Variants in GCN1 observed in about 807,000 individuals in gnomAD.
GCN1 encodes GCN1 activator of EIF2AK4.
In GCN1, 90 loss-of-function variants were observed where a neutral mutation model predicts 288.4. The observed-to-expected ratio is 0.31, with a 90% CI of 0.26 to 0.37. The LOEUF is 0.37. Among genes scored for constraint, GCN1 ranks in the 10% least tolerant of loss-of-function variants. The pLI, the probability that GCN1 is intolerant of heterozygous loss-of-function variation, is 1.00. For synonymous variants in GCN1, 1,386 were observed against 1,420.2 expected, an observed-to-expected ratio of 0.98 and a Z score of 0.54; for missense variants, 2,586 against 3,419.9, an observed-to-expected ratio of 0.76 and a Z score of 6.08.
chr12:120,163,760 A>G (rs1391810736), intron 18 of GCN1, among the ~76,000 whole-genome samples: 2 of 152,218 alleles, frequency 1.3e-5, no homozygotes, highest in Admixed American at 1.3e-4. Flanking sequence ...AATCAAAAGG[A>G]AAAAATGGGT....
intron 47 of GCN1, 124 bp downstream of exon 47, chr12:120,138,199 T>C (rs1173022287): frequency 3.3e-6 from 3 of 913,622 alleles, no homozygotes; most frequent in Admixed American, 1.9e-5. Context: ...AAGGATGTAA[T>C]GCTTGCACTG....
At position 120,162,057 on chromosome 12, in the gene GCN1, G is replaced by A; in HGVS notation, c.2165C>T (p.Ser722Phe). The A allele has an allele frequency of 6.2e-7, 1 of 1,612,002 alleles. No homozygotes were observed. Among genetic ancestry groups the A allele is most frequent in the Non-Finnish European group, 8.5e-7 (1 of 1,179,944 alleles). ...AAGGGAGCCCATGGCATTCATGGAG[G>A]ACTGCCAGACAAACGCAGACATGGT... Reference protein sequence around the residue: ...RMTTQSPLNQSSMNAMGSLSV... With the variant: ...RMTTQSPLNQFSMNAMGSLSV... The change falls in exon 21 of 58, where the codon TCC becomes TTC. Residue 722 changes from serine to phenylalanine, a missense_variant and splice_region_variant. Coordinates refer to ENST00000300648, the MANE Select transcript of GCN1 (RefSeq NM_006836.2).
At chr12:120,130,139 C>G (rs1336058307) in intron 56 of GCN1, among the ~76,000 whole-genome samples, 1 of 152,192 alleles carries the variant, frequency 6.6e-6, no homozygotes, top group Non-Finnish European at 1.5e-5. Context: ...GGCCCCATCT[C>G]ACTAAAATAC....
chr12:120,145,072 AC>A lies in GCN1; in HGVS notation c.5017-12del, dbSNP rs1217639436. On this transcript the variant is annotated splice_polypyrimidine_tract_variant and intron_variant, in intron 39 of 57. Transcript: ENST00000300648. The stretch of plus-strand genomic sequence containing the variant: ...AGATACGGTCCGCACCTGTCAGGTA[AC>A]CGAGAGCAGAGATGGTGTGAGAAGA... The A allele has an allele frequency of 1.2e-6, 2 of 1,613,868 alleles. No individual in the cohort carries two copies. The highest frequency in any genetic ancestry group is 1.7e-6 in the Non-Finnish European group (2 of 1,180,032).
At chr12:120,132,959 T>C (rs1171836686) in intron 53 of GCN1, among the ~76,000 whole-genome samples, 1 of 152,196 alleles carries the variant, frequency 6.6e-6, no homozygotes, top group South Asian at 2.1e-4. Flanking sequence ...CTTCATCTAT[T>C]TTAAGCTGCA....
rs543156156 is a variant in GCN1 at position 120,175,930 on chromosome 12, C to T, written c.914-56G>A. The T allele has an allele frequency of 2.6e-5, 41 of 1,574,110 alleles. 2 individuals carry two copies. Among genetic ancestry groups the T allele is most frequent in the Middle Eastern group, 1.7e-4 (1 of 5,912 alleles). ...GCCAACAACTGAGCATCCAGACTTTCGTCTTTGTCTTTTCCATGCCCCCAT... is the reference window on the plus strand; with the variant it reads ...GCCAACAACTGAGCATCCAGACTTTTGTCTTTGTCTTTTCCATGCCCCCAT... On this transcript the variant is annotated intron_variant, in intron 10 of 57. Transcript: ENST00000300648.
In GCN1 at chr12:120,155,698, C is replaced by A; in HGVS notation, c.3334G>T (p.Val1112Leu). The change falls in exon 29 of 58, where the codon GTA becomes TTA. Residue 1112 changes from valine (V) to leucine (L), a missense_variant. Physicochemically the swap from Val to Leu is conservative, Grantham distance 32. This residue lies in a region of GCN1 where 332 missense variants were observed against 403.0 expected (regional missense o/e 0.82). Transcript: ENST00000300648. This position sits in a 1 kb window ranked among gnomAD's most constrained non-coding sequence, Gnocchi z 4.9. ...VLRGLMELHM[V>L]LPAPDTDEKN... Reference sequence around the variant, plus strand: ...TCATCAGTATCAGGTGCTGGCAATACCATGTGGAGTTCCATCAGCCCCTGG... The same window carrying A: ...TCATCAGTATCAGGTGCTGGCAATAACATGTGGAGTTCCATCAGCCCCTGG... 6.2e-7 allele frequency: 1 copy of A among 1,613,964 alleles called. No individual in the cohort carries two copies. The highest frequency in any genetic ancestry group is 8.5e-7 in the Non-Finnish European group (1 of 1,179,960).
rs767925459 is a variant in GCN1 at position 120,137,170 on chromosome 12, C to T, written c.6777+36G>A. The T allele has an allele frequency of 1.4e-6, 2 of 1,461,762 alleles. No homozygotes were observed. The highest frequency in any genetic ancestry group is 2.8e-5 in the African/African-American group (2 of 71,886). The allele number at this position is 1,461,762 out of a possible 1,614,324, so 90.5% of individuals were successfully genotyped here. On this transcript the variant is annotated intron_variant, in intron 50 of 57. Coordinates refer to ENST00000300648, the MANE Select transcript of GCN1 (RefSeq NM_006836.2). This position sits in a 1 kb window ranked among gnomAD's most constrained non-coding sequence, Gnocchi z 5.2. ...AGGGCCAGAAGGGCACAACAGACTG[C>T]ACGCCCACAGCCCCCTGCACGAGGC...
chr12:120,141,109 C>A, intron 44 of GCN1, 86 bp from the exon 45 acceptor site: 1 of 1,125,542 alleles, frequency 8.9e-7, no homozygotes, highest in Non-Finnish European at 1.3e-6. Context: ...GGCCCTGAAA[C>A]CTCCCAGGCT....
In GCN1 at chr12:120,137,882, G is replaced by C. The variant is rs373243403; in HGVS notation, c.6393+19C>G. Reference sequence around the variant, plus strand: ...GGGCAGACGGGACATGAGAAAGCAGGAGCAGGCTCGCCCCTTACCAGCTGC... The same window carrying C: ...GGGCAGACGGGACATGAGAAAGCAGCAGCAGGCTCGCCCCTTACCAGCTGC... On this transcript the variant is annotated intron_variant, in intron 48 of 57. Coordinates refer to ENST00000300648, the MANE Select transcript of GCN1 (RefSeq NM_006836.2). The surrounding 1 kb of genome is among the most constrained non-coding windows in gnomAD (Gnocchi z 5.2). 6 of 1,613,698 alleles carry C rather than the reference G, an allele frequency of 3.7e-6. No individual in the cohort carries two copies. Among genetic ancestry groups the C allele is most frequent in the Non-Finnish European group, 5.1e-6 (6 of 1,179,628 alleles).
chr12:120,153,171 T>C lies in GCN1; in HGVS notation c.4062+42A>G. Reference sequence around the variant, plus strand: ...CCGCCTAACCACAGCCGGGTCCCAATTCTCTAACCGACATGTGGGTCCCAG... The same window carrying C: ...CCGCCTAACCACAGCCGGGTCCCAACTCTCTAACCGACATGTGGGTCCCAG... On this transcript the variant is annotated intron_variant, in intron 33 of 57. Coordinates refer to ENST00000300648, the MANE Select transcript of GCN1 (RefSeq NM_006836.2). The surrounding 1 kb of genome is among the most constrained non-coding windows in gnomAD (Gnocchi z 4.4). 2 of 1,569,274 alleles carry C rather than the reference T, an allele frequency of 1.3e-6. No homozygotes were observed. Among genetic ancestry groups the C allele is most frequent in the Non-Finnish European group, 1.8e-6 (2 of 1,141,180 alleles).
chr12:120,138,241 G>A (rs1344648031), intron 47 of GCN1, 82 bp downstream of exon 47: 12 of 1,005,126 alleles, frequency 1.2e-5, no homozygotes, highest in East Asian at 7.1e-5. Context: ...CAACATCTAC[G>A]TTCAGAACTG....
At position 120,178,707 on chromosome 12, in the gene GCN1, T is replaced by C. The variant is rs774256511; in HGVS notation, c.578A>G (p.Asn193Ser). Reference sequence around the variant, plus strand: ...CCCCAGCATGCCAGCATAGTTCTGGTTGGGCTCTAGGCTGAGAATGGCTGA... The same window carrying C: ...CCCCAGCATGCCAGCATAGTTCTGGCTGGGCTCTAGGCTGAGAATGGCTGA... ...YLSAILSLEP[N>S]QNYAGMLGLL... Residue 193 changes from asparagine (N) to serine (S), a missense_variant, in exon 7 of 58, where the codon AAC becomes AGC. This residue lies in a region of GCN1 where 913 missense variants were observed against 1,107.0 expected (regional missense o/e 0.82). Coordinates refer to ENST00000300648, the MANE Select transcript of GCN1 (RefSeq NM_006836.2). 4 of 1,614,018 alleles carry C rather than the reference T, an allele frequency of 2.5e-6. No homozygotes were observed. The African/African-American group carries it at 4.0e-5, about 16-fold the overall frequency.
rs752979738 is a variant in GCN1, at chr12:120,167,013, TCAACAA to T, written c.1612+1189_1612+1194del. 1.1e-4 allele frequency among the ~76,000 whole-genome samples: 17 copies of T among 149,206 alleles called. No homozygotes were observed. In the South Asian group the frequency reaches 1.5e-3, roughly 13 times the overall value. On this transcript the variant is annotated intron_variant, in intron 16 of 57. Transcript: ENST00000300648. ...CTGGGCAACAGAGTGAGATCCTGTC[TCAACAA>T]CAACAACAACAACAAATTACTATGG...
intron 13 of GCN1, 28 bp from the exon 14 acceptor site, chr12:120,173,854 G>C (rs1878386301): frequency 1.3e-6 from 2 of 1,591,974 alleles, no homozygotes; most frequent in Non-Finnish European, 1.7e-6. Flanking sequence ...AGTCCAGTCA[G>C]TCCAATGTCT....
At chr12:120,151,759 C>T (rs1207237118) in intron 33 of GCN1, among the ~76,000 whole-genome samples, 1 of 152,120 alleles carries the variant, frequency 6.6e-6, no homozygotes, top group African/African-American at 2.4e-5. Context: ...AAAAACAGCC[C>T]GTGTCTCTGT....
chr12:120,168,317 GT>G lies in GCN1; in HGVS notation c.1520-18del. ...GTTTGGCCTCTGCAAGAAACAAAAG[GT>G]TACCCCACGACGCAGCTCACCACAT... On this transcript the variant is annotated intron_variant, in intron 15 of 57. Coordinates refer to ENST00000300648, the MANE Select transcript of GCN1 (RefSeq NM_006836.2). 2 of 1,438,766 alleles carry G rather than the reference GT, an allele frequency of 1.4e-6. No individual in the cohort carries two copies. Among genetic ancestry groups the G allele is most frequent in the Non-Finnish European group, 2.0e-6 (2 of 1,019,778 alleles). The allele number at this position is 1,438,766 out of a possible 1,614,324, so 89.1% of individuals were successfully genotyped here.
At chr12:120,131,112 C>A (rs1049534598) in intron 55 of GCN1, 73 bp downstream of exon 55, 5 of 1,406,426 alleles carry the variant, frequency 3.6e-6, no homozygotes, top group Non-Finnish European at 5.0e-6. Context: ...CTGGGGTCCA[C>A]CCGCGCTGTG....
intron 1 of GCN1, among the ~76,000 whole-genome samples, chr12:120,191,024 G>C (rs765538286): frequency 6.6e-6 from 1 of 152,144 alleles, no homozygotes; most frequent in Non-Finnish European, 1.5e-5. Context: ...TCATCTATAA[G>C]ATGCGGACAA....
Sources: allele counts gnomAD v4.1 joint callset (sites outside exome capture counted in the v4.1 genomes callset), GRCh38; gene constraint gnomAD v4.1.1; regional missense constraint gnomAD v4.1.1; non-coding constraint Gnocchi (gnomAD v3.1); transcripts MANE v1.5; gene names NCBI Gene and HGNC (gene_info 2026-07-23, HGNC 2026-07-21).